ZNF530: variants seen among roughly 807,000 people sequenced by gnomAD.
ZNF530 encodes the protein zinc finger protein 530.
Under a neutral mutation model 2.8 loss-of-function variants are expected in ZNF530, and 5 were observed. That is an observed-to-expected ratio of 1.80 (90% CI 0.94 to 3.78). ZNF530 has a LOEUF of 3.78. Among genes scored for constraint, ZNF530 ranks in the 30% most tolerant of loss-of-function variants. The pLI is 0.00. For synonymous variants in ZNF530, 229 were observed against 235.0 expected, an observed-to-expected ratio of 0.97 and a Z score of 0.23; for missense variants, 619 against 673.3, an observed-to-expected ratio of 0.92 and a Z score of 0.89.
In ZNF530 at chr19:57,604,343, G is replaced by C. The variant is rs1301223566; in HGVS notation, c.-3G>C. On this transcript the variant is annotated 5_prime_UTR_variant, in exon 3 of 4. An upstream start codon of the reference 5' UTR is lost. Transcript: ENST00000597700. ...CCAGGAGGAGTGGGAGCTCCTTGAT[G>C]AGATGCAGAGGCTCCTGTACCGCGA... is the stretch of plus-strand genomic sequence containing the variant. 1.9e-6 allele frequency: 3 copies of C among 1,614,110 alleles called. No individual in the cohort carries two copies. The highest frequency in any genetic ancestry group is 4.5e-5 in the East Asian group (2 of 44,882).
chr19:57,607,615 GAT>G lies in ZNF530; in HGVS notation c.*291_*292del. The G allele has an allele frequency of 2.9e-6, 1 of 349,738 alleles. No individual in the cohort carries two copies. The highest frequency in any genetic ancestry group is 5.2e-6 in the Non-Finnish European group (1 of 192,322). The allele number at this position is 349,738 out of a possible 1,614,324, so 21.7% of individuals were successfully genotyped here. The stretch of plus-strand genomic sequence containing the variant: ...CTGCTTCAGCCTACCAAAGTGCTGG[GAT>G]TACAGGCGTGAGCCACCATGTCCGG... On this transcript the variant is annotated 3_prime_UTR_variant, in exon 4 of 4. Coordinates refer to ENST00000597700, the MANE Select transcript of ZNF530 (RefSeq NM_001321981.2).
Position 57,606,745 on chromosome 19 carries a change from A to G in ZNF530, c.1121A>G (p.Tyr374Cys). ...HQRFHTGERP[Y>C]VCSECGKSFG... ...AGATTTCACACTGGAGAAAGACCTT[A>G]TGTGTGCAGTGAATGTGGGAAATCA... is the stretch of plus-strand genomic sequence containing the variant. Residue 374 changes from tyrosine (Y) to cysteine (C), a missense_variant, in exon 4 of 4, where the codon TAT becomes TGT. Tyr to Cys is a radical substitution (Grantham distance 194). Transcript: ENST00000597700. 6.2e-7 allele frequency: 1 copy of G among 1,614,002 alleles called. No homozygotes were observed.
Position 57,606,273 on chromosome 19 carries a change from C to G in ZNF530, c.649C>G (p.Gln217Glu). ...KCSECGKSFS[Q>E]SSGFLRHRKA... ...CAGTGAATGTGGGAAATCCTTTAGT[C>G]AAAGTTCTGGCTTTCTTCGACACAG... Residue 217 changes from glutamine to glutamate, a missense_variant, in exon 4 of 4, where the codon CAA (glutamine) becomes GAA (glutamate). By Grantham distance (29) the Gln-to-Glu change is conservative. Coordinates refer to ENST00000597700, the MANE Select transcript of ZNF530 (RefSeq NM_001321981.2). 1 of 1,614,112 alleles carries G rather than the reference C, an allele frequency of 6.2e-7. No individual in the cohort carries two copies. Among genetic ancestry groups the G allele is most frequent in the Non-Finnish European group, 8.5e-7 (1 of 1,180,028 alleles).
Position 57,605,703 on chromosome 19 carries a change from G to A in ZNF530, c.79G>A (p.Val27Ile), listed in dbSNP as rs754096419. The A allele has an allele frequency of 3.1e-6, 5 of 1,609,654 alleles. No homozygotes were observed. In the East Asian group the frequency reaches 1.1e-4, roughly 36 times the overall value. ...TCTTTCAGGTTGCTGGTGTGGAGCA[G>A]TAGATGAGGGGACGCCTTCTGCAGA... ...MASLGCWCGAVDEGTPSAESV... is the reference protein window; with the variant it reads ...MASLGCWCGAIDEGTPSAESV... The change falls in exon 4 of 4, where the codon GTA becomes ATA. Residue 27 changes from valine (V) to isoleucine (I), a missense_variant. By Grantham distance (29) the Val-to-Ile change is conservative. Coordinates refer to ENST00000597700, the MANE Select transcript of ZNF530 (RefSeq NM_001321981.2).
At position 57,606,756 on chromosome 19, in the gene ZNF530, G is replaced by C. The variant is rs1317065311; in HGVS notation, c.1132G>C (p.Glu378Gln). 1.9e-6 allele frequency: 3 copies of C among 1,613,954 alleles called. No homozygotes were observed. Among genetic ancestry groups the C allele is most frequent in the Non-Finnish European group, 2.5e-6 (3 of 1,179,994 alleles). The change falls in exon 4 of 4, where the codon GAA becomes CAA. Residue 378 changes from glutamate (E) to glutamine (Q), a missense_variant. Coordinates refer to ENST00000597700, the MANE Select transcript of ZNF530 (RefSeq NM_001321981.2). ...TGGAGAAAGACCTTATGTGTGCAGT[G>C]AATGTGGGAAATCATTTGGCCAGAA... ...HTGERPYVCS[E>Q]CGKSFGQKSV...
At chr19:57,603,196 C>T (rs1281277769) in intron 2 of ZNF530, among the ~76,000 whole-genome samples, 1 of 152,198 alleles carries the variant, frequency 6.6e-6, no homozygotes, top group Non-Finnish European at 1.5e-5. Context: ...GCCTTAAAAC[C>T]ATCAGTTCTC....
At chr19:57,601,678 A>G (rs1454171403) in intron 2 of ZNF530, among the ~76,000 whole-genome samples, 1 of 152,202 alleles carries the variant, frequency 6.6e-6, no homozygotes, top group Non-Finnish European at 1.5e-5. Context: ...CTGTTAGGCC[A>G]TTTGCATTAC....
In ZNF530 at chr19:57,602,133, C is replaced by G. The variant is rs1470325321; in HGVS notation, c.-70+1354C>G. Among the ~76,000 whole-genome samples the G allele has an allele frequency of 2.0e-5, 3 of 152,210 alleles. No individual in the cohort carries two copies. In the East Asian group the frequency reaches 5.8e-4, roughly 29 times the overall value. On this transcript the variant is annotated intron_variant, in intron 2 of 3. Transcript: ENST00000597700. ...TCACAGTTCTGCAGGCTAGGAAATT[C>G]TACATCAGGGTGCCTCTAGATTCAC... is the stretch of plus-strand genomic sequence containing the variant.
rs550326744 is a variant in ZNF530, at chr19:57,600,440, G to A, written c.-121-288G>A. Among the ~76,000 whole-genome samples, 47 of 152,340 alleles carry A rather than the reference G, an allele frequency of 3.1e-4. 2 individuals carry two copies. In the South Asian group the frequency reaches 9.7e-3, roughly 32 times the overall value. On this transcript the variant is annotated intron_variant, in intron 1 of 3. Transcript: ENST00000597700. ...CACTGAGTTTCACCAGCACACTGAG[G>A]GCCACAGCGCGTAGGACAGAAGAGG...
chr19:57,600,112 C>A lies in ZNF530; in HGVS notation c.-144C>A. The stretch of plus-strand genomic sequence containing the variant: ...CGCTCCGCCCAGAGTCCGATGGCGG[C>A]GGCACTGAGGGCCCCGACCCAGGTG... On this transcript the variant is annotated 5_prime_UTR_variant, in exon 1 of 4. Transcript: ENST00000597700. The A allele has an allele frequency of 6.4e-7, 1 of 1,564,236 alleles. No individual in the cohort carries two copies. The highest frequency in any genetic ancestry group is 1.9e-5 in the Admixed American group (1 of 54,036).
At chr19:57,610,550 A>T (rs1980839205), downstream of ZNF530, among the ~76,000 whole-genome samples, 2 of 152,046 alleles carry the variant, frequency 1.3e-5, no homozygotes, top group African/African-American at 2.4e-5. Flanking sequence ...TCCCACTTCT[A>T]TTGGAAACTG....
At position 57,608,535 on chromosome 19, in the gene ZNF530, G is replaced by A. The variant is rs1980718107; in HGVS notation, c.*1210G>A. ...GTCATTCTGCAGAGGGGGCAGTTGT[G>A]GCAACTTCCATTGTTTCTGGAGACA... On this transcript the variant is annotated 3_prime_UTR_variant, in exon 4 of 4. Transcript: ENST00000597700. 6.6e-6 allele frequency: 1 copy of A among 152,082 alleles called. No individual in the cohort carries two copies. The highest frequency in any genetic ancestry group is 6.5e-5 in the Admixed American group (1 of 15,282). The allele number at this position is 152,082 out of a possible 1,614,324, so 9.4% of individuals were successfully genotyped here.
chr19:57,607,077 C>G lies in ZNF530; in HGVS notation c.1453C>G (p.Pro485Ala), dbSNP rs765921801. ...RHQTVHTNER[P>A]YECDECGKSY... ...CCAGACTGTTCACACTAATGAAAGGCCTTATGAGTGCGATGAATGTGGGAA... is the reference window on the plus strand; with the variant it reads ...CCAGACTGTTCACACTAATGAAAGGGCTTATGAGTGCGATGAATGTGGGAA... Residue 485 changes from proline to alanine, a missense_variant, in exon 4 of 4, where the codon CCT becomes GCT. Physicochemically the swap from Pro to Ala is conservative, Grantham distance 27 (BLOSUM62 -1). Coordinates refer to ENST00000597700, the MANE Select transcript of ZNF530 (RefSeq NM_001321981.2). 2.5e-6 allele frequency: 4 copies of G among 1,613,264 alleles called. No homozygotes were observed. The African/African-American group carries it at 5.3e-5, about 22-fold the overall frequency.
Position 57,606,768 on chromosome 19 carries a change from T to C in ZNF530, c.1144T>C (p.Ser382Pro), listed in dbSNP as rs529631123. Residue 382 changes from serine to proline, a missense_variant, in exon 4 of 4, where the codon TCA (serine) becomes CCA (proline). Ser to Pro is a moderately conservative substitution (Grantham distance 74). Transcript: ENST00000597700. Reference protein sequence around the residue: ...RPYVCSECGKSFGQKSVLIQH... With the variant: ...RPYVCSECGKPFGQKSVLIQH... Reference sequence around the variant, plus strand: ...TTATGTGTGCAGTGAATGTGGGAAATCATTTGGCCAGAAATCTGTCCTCAT... The same window carrying C: ...TTATGTGTGCAGTGAATGTGGGAAACCATTTGGCCAGAAATCTGTCCTCAT... The C allele has an allele frequency of 6.2e-7, 1 of 1,613,704 alleles. No homozygotes were observed. Among genetic ancestry groups the C allele is most frequent in the South Asian group, 1.1e-5 (1 of 91,062 alleles).
In ZNF530 at chr19:57,599,965, G is replaced by A. The variant is rs1351248669; in HGVS notation, c.-291G>A. The stretch of plus-strand genomic sequence containing the variant: ...GCGGGTGCCGGATCTGGACCTAGGT[G>A]CTGACAGCGAGAAGGCGCGAGGAGA... On this transcript the variant is annotated 5_prime_UTR_variant, in exon 1 of 4. Coordinates refer to ENST00000597700, the MANE Select transcript of ZNF530 (RefSeq NM_001321981.2). 1 of 989,794 alleles carries A rather than the reference G, an allele frequency of 1.0e-6. No homozygotes were observed. The highest frequency in any genetic ancestry group is 1.4e-6 in the Non-Finnish European group (1 of 700,014). 61.3% of individuals were successfully genotyped at this position (989,794 alleles called of 1,614,324 possible). A position where few individuals can be genotyped will look rare whatever the true frequency, so the allele number is the denominator to read the frequency against.
At chr19:57,604,966 A>G (rs112656017) in intron 3 of ZNF530, 1,927 of 154,714 alleles carry the variant, frequency 0.012, 42 homozygotes, top group African/African-American at 0.044. Flanking sequence ...CTGGGATTCG[A>G]GGATGGCTCT....
At chr19:57,603,622 A>G (rs1226997046) in intron 2 of ZNF530, among the ~76,000 whole-genome samples, 1 of 152,254 alleles carries the variant, frequency 6.6e-6, no homozygotes, top group Non-Finnish European at 1.5e-5. Context: ...TTAGTGCAGT[A>G]CAAGTTGGAA....
chr19:57,603,135 C>T (rs749689966), intron 2 of ZNF530, among the ~76,000 whole-genome samples: 6 of 152,226 alleles, frequency 3.9e-5, no homozygotes, highest in South Asian at 4.1e-4. Flanking sequence ...GTGATCCACC[C>T]GCCTTGGCCT....
chr19:57,604,227 TG>T (rs1479318263), intron 2 of ZNF530, 49 bp from the exon 3 acceptor site: 1 of 1,611,750 alleles, frequency 6.2e-7, no homozygotes, highest in Admixed American at 1.7e-5. Context: ...GGAATCAACT[TG>T]GGGTCCTAGG....
Sources: allele counts gnomAD v4.1 joint callset (sites outside exome capture counted in the v4.1 genomes callset), GRCh38; gene constraint gnomAD v4.1.1; transcripts MANE v1.5; gene names NCBI Gene and HGNC (gene_info 2026-07-23, HGNC 2026-07-21).